Variants in EYS observed in about 807,000 individuals in gnomAD.
EYS encodes the protein EGF-like photoreceptor maintenance factor.
Under a neutral mutation model 282.1 loss-of-function variants are expected in EYS, and 250 were observed. The ratio of observed to expected loss-of-function variants is 0.89; its 90% confidence interval spans 0.80 to 0.98. EYS has a LOEUF of 0.98. EYS is among the 50% of genes least tolerant of loss of function. The pLI is 0.00. For missense variants in EYS, 4,016 were observed against 3,709.0 expected (o/e 1.08, Z -2.15); for synonymous variants, 1,355 against 1,282.9 (o/e 1.06, Z -1.20).
chr6:65,572,139 C>T lies in EYS; in HGVS notation c.-333+67639G>A, dbSNP rs555564784. On this transcript the variant is annotated intron_variant, in intron 2 of 42. Transcript: ENST00000503581. ...AATCAATTCATGAAACAGAATATGGCGTTTAATTATTGAATAAATATGACA... is the reference window on the plus strand; with the variant it reads ...AATCAATTCATGAAACAGAATATGGTGTTTAATTATTGAATAAATATGACA... Among the ~76,000 whole-genome samples, 7 of 151,894 alleles carry T rather than the reference C, an allele frequency of 4.6e-5. No homozygotes were observed. The South Asian group carries it at 6.2e-4, about 14-fold the overall frequency.
intron 14 of EYS, among the ~76,000 whole-genome samples, chr6:64,955,308 A>T (rs1769660562): frequency 1.3e-5 from 2 of 152,130 alleles, no homozygotes; most frequent in African/African-American, 2.4e-5. Context: ...TACGACACTG[A>T]TGAAGGAAAT....
At chr6:65,415,434 A>C (rs548911376) in intron 5 of EYS, among the ~76,000 whole-genome samples, 1 of 152,086 alleles carries the variant, frequency 6.6e-6, no homozygotes, top group Non-Finnish European at 1.5e-5. Context: ...TGAAGTAGCA[A>C]CTAGGGAGGT....
At chr6:64,058,012 C>CT (rs1771042966) in intron 33 of EYS, among the ~76,000 whole-genome samples, 3 of 152,028 alleles carry the variant, frequency 2.0e-5, no homozygotes, top group African/African-American at 7.2e-5. Context: ...TTCGTAGAGA[C>CT]GGGGTTTCAC....
intron 8 of EYS, among the ~76,000 whole-genome samples, chr6:65,383,892 C>A (rs746449958): frequency 2.6e-5 from 4 of 151,814 alleles, no homozygotes; most frequent in Non-Finnish European, 5.9e-5. Context: ...GTATGTCTCT[C>A]TCAGTAAATA....
chr6:65,109,682 TC>T (rs1230287737), intron 12 of EYS, among the ~76,000 whole-genome samples: 2 of 152,006 alleles, frequency 1.3e-5, no homozygotes, highest in South Asian at 2.1e-4. Context: ...CACCTTTTTT[TC>T]ATGTGTGTCC....
chr6:63,827,857 A>T (rs1408526800), intron 36 of EYS, among the ~76,000 whole-genome samples: 2 of 146,164 alleles, frequency 1.4e-5, no homozygotes, highest in Admixed American at 6.7e-5. Context: ...TCTCAAAAAA[A>T]AAAAAAAAAA....
intron 31 of EYS, among the ~76,000 whole-genome samples, chr6:64,198,477 GC>G (rs1432557749): frequency 2.6e-5 from 4 of 151,756 alleles, no homozygotes; most frequent in African/African-American, 9.7e-5. Context: ...CCCTCCCCTG[GC>G]CCCCCACTCC....
intron 26 of EYS, among the ~76,000 whole-genome samples, chr6:64,501,444 A>T (rs1407305322): frequency 1.3e-5 from 2 of 152,108 alleles, no homozygotes; most frequent in African/African-American, 4.8e-5. Context: ...ATATGTATGT[A>T]TGTATATACA....
chr6:64,404,410 TGTGC>T (rs937982900), intron 28 of EYS, among the ~76,000 whole-genome samples: 3 of 145,934 alleles, frequency 2.1e-5, no homozygotes, highest in Non-Finnish European at 3.0e-5. Context: ...TGTGTGTGTG[TGTGC>T]ACGCACGCGT....
chr6:65,335,149 A>G lies in EYS; in HGVS notation c.1600-3T>C. The G allele has an allele frequency of 6.3e-7, 1 of 1,597,206 alleles. No homozygotes were observed. The highest frequency in any genetic ancestry group is 1.1e-5 in the South Asian group (1 of 90,790). Reference sequence around the variant, plus strand: ...CAACTGCATCCATTTGCACAAATCTATAGCAACGAAAGAAGTAAAAATGTT... The same window carrying G: ...CAACTGCATCCATTTGCACAAATCTGTAGCAACGAAAGAAGTAAAAATGTT... On this transcript the variant is annotated splice_polypyrimidine_tract_variant and splice_region_variant and intron_variant, in intron 10 of 42. Coordinates refer to ENST00000503581, the MANE Select transcript of EYS (RefSeq NM_001142800.2).
At chr6:65,069,081 C>A (rs1773832857) in intron 12 of EYS, among the ~76,000 whole-genome samples, 1 of 151,956 alleles carries the variant, frequency 6.6e-6, no homozygotes, top group African/African-American at 2.4e-5. Context: ...TTTTGGTACT[C>A]TCTTTTTCTT....
intron 2 of EYS, among the ~76,000 whole-genome samples, chr6:65,533,940 G>A (rs951906812): frequency 1.3e-5 from 2 of 151,976 alleles, no homozygotes; most frequent in Non-Finnish European, 2.9e-5. Flanking sequence ...CAACTCATTG[G>A]CATGGGTAGT....
At chr6:64,031,584 T>A (rs1769840706) in intron 33 of EYS, among the ~76,000 whole-genome samples, 1 of 152,192 alleles carries the variant, frequency 6.6e-6, no homozygotes, top group Non-Finnish European at 1.5e-5. Flanking sequence ...CCAGCGGGGC[T>A]CCTGAGTCTG....
intron 31 of EYS, among the ~76,000 whole-genome samples, chr6:64,140,940 C>G (rs1774319738): frequency 6.6e-6 from 1 of 152,154 alleles, no homozygotes; most frequent in Non-Finnish European, 1.5e-5. Flanking sequence ...AAAAAATTAT[C>G]AACAACCTTG....
At chr6:65,119,935 A>C (rs1334854304) in intron 12 of EYS, among the ~76,000 whole-genome samples, 1 of 151,744 alleles carries the variant, frequency 6.6e-6, no homozygotes, top group African/African-American at 2.4e-5. Context: ...CAGGAGATCG[A>C]GACCATCCTG....
intron 13 of EYS, among the ~76,000 whole-genome samples, chr6:65,039,786 CTT>C (rs1772877508): frequency 6.6e-6 from 1 of 151,256 alleles, no homozygotes; most frequent in Non-Finnish European, 1.5e-5. Context: ...CTTTTGGTAT[CTT>C]AGTAAAAAAG....
At chr6:64,194,332 A>G (rs772410330) in intron 31 of EYS, among the ~76,000 whole-genome samples, 4 of 152,156 alleles carry the variant, frequency 2.6e-5, no homozygotes, top group Non-Finnish European at 4.4e-5. Context: ...TACCTTCTCA[A>G]GTGGAATGCA....
intron 31 of EYS, among the ~76,000 whole-genome samples, chr6:64,148,699 CTT>C (rs956764129): frequency 6.6e-6 from 1 of 151,984 alleles, no homozygotes; most frequent in African/African-American, 2.4e-5. Flanking sequence ...CCTATACTTT[CTT>C]TGTTTCTATT....
chr6:65,650,510 C>T (rs1174663506), intron 1 of EYS, among the ~76,000 whole-genome samples: 1 of 152,106 alleles, frequency 6.6e-6, no homozygotes, highest in East Asian at 1.9e-4. Context: ...TGAAATATTG[C>T]AATGGTTATT....
Sources: gnomAD v4.1 joint callset for allele counts (sites outside exome capture counted in the v4.1 genomes callset) on GRCh38, gnomAD v4.1.1 for gene constraint, MANE v1.5 for transcripts, NCBI Gene and HGNC (gene_info 2026-07-23, HGNC 2026-07-21) for gene names.